Variants in ESRRB observed in about 807,000 individuals in gnomAD.
ESRRB encodes steroid hormone receptor ERR2.
ESRRB carries 16 observed loss-of-function variants against 46.0 expected under a neutral mutation model. That is an observed-to-expected ratio of 0.35 (90% CI 0.24 to 0.53). The LOEUF (loss-of-function observed/expected upper bound fraction) is 0.53, where lower values mean the gene tolerates loss of function less well. ESRRB is among the 20% of genes least tolerant of loss of function. The probability of loss-of-function intolerance (pLI) is 0.93; values close to 1 mark genes in which losing one functional copy is unlikely to be tolerated. For synonymous variants in ESRRB, 246 were observed against 259.6 expected, an observed-to-expected ratio of 0.95 and a Z score of 0.50; for missense variants, 488 against 607.4, an observed-to-expected ratio of 0.80 and a Z score of 2.07.
chr14:76,377,206 G>A (rs891314537), intron 1 of ESRRB, among the ~76,000 whole-genome samples: 58 of 152,364 alleles, frequency 3.8e-4, no homozygotes, highest in African/African-American at 1.3e-3. Context: ...GGCAGCCGGC[G>A]CCGCGAGAAG....
intron 1 of ESRRB, among the ~76,000 whole-genome samples, chr14:76,322,608 C>T (rs1883880852): frequency 6.6e-6 from 1 of 152,178 alleles, no homozygotes; most frequent in African/African-American, 2.4e-5. Context: ...AGACCTGAAC[C>T]TGGTAGTCCA....
intron 2 of ESRRB, among the ~76,000 whole-genome samples, chr14:76,450,752 C>A (rs1013144959): frequency 2.6e-5 from 4 of 152,092 alleles, no homozygotes; most frequent in African/African-American, 9.7e-5. Flanking sequence ...CCGGGAGGCA[C>A]AAGACAGGGG....
intron 1 of ESRRB, among the ~76,000 whole-genome samples, chr14:76,382,842 T>A (rs537538496): frequency 2.5e-4 from 38 of 151,484 alleles, no homozygotes; most frequent in African/African-American, 7.0e-4. Context: ...GTTTCTTTTT[T>A]AAAAAAAAAA....
chr14:76,443,650 T>C (rs974591931), intron 2 of ESRRB, among the ~76,000 whole-genome samples: 1 of 152,236 alleles, frequency 6.6e-6, no homozygotes, highest in African/African-American at 2.4e-5. Context: ...TCACATTTTC[T>C]TCTCACCATG....
At chr14:76,338,106 G>A (rs1481282891) in intron 1 of ESRRB, among the ~76,000 whole-genome samples, 2 of 152,150 alleles carry the variant, frequency 1.3e-5, no homozygotes, top group Non-Finnish European at 2.9e-5. Flanking sequence ...GCTTCAAGGC[G>A]ACTCCCAGGG....
At chr14:76,473,463 C>T (rs987585106) in intron 3 of ESRRB, among the ~76,000 whole-genome samples, 2 of 152,232 alleles carry the variant, frequency 1.3e-5, no homozygotes, top group Non-Finnish European at 2.9e-5. Context: ...CCTGCCCTGT[C>T]TGAACCTTTC....
At chr14:76,436,891 G>A (rs1214427733) in intron 1 of ESRRB, among the ~76,000 whole-genome samples, 1 of 152,172 alleles carries the variant, frequency 6.6e-6, no homozygotes, top group Admixed American at 6.5e-5. Flanking sequence ...TGCATTTTGG[G>A]AGTTGGTGAA....
chr14:76,397,832 C>G (rs1259218366), intron 1 of ESRRB, among the ~76,000 whole-genome samples: 1 of 152,222 alleles, frequency 6.6e-6, no homozygotes, highest in East Asian at 1.9e-4. Context: ...CTCAGAAATG[C>G]ACTACCTCCT....
chr14:76,376,517 G>T lies in ESRRB; in HGVS notation c.50+66G>T. ...TCTGGCAGTCTCTGTCCTGGGGATC[G>T]CAGTTCCTTTTCTGCACATTCTTGT... On this transcript the variant is annotated intron_variant, in intron 1 of 6. Coordinates refer to ENST00000644823, the MANE Select transcript of ESRRB (RefSeq NM_001379180.1). This position sits in a 1 kb window ranked among gnomAD's most constrained non-coding sequence, Gnocchi z 4.1. 1 of 1,145,386 alleles carries T rather than the reference G, an allele frequency of 8.7e-7. No individual in the cohort carries two copies. The highest frequency in any genetic ancestry group is 1.1e-6 in the Non-Finnish European group (1 of 909,116). The allele number at this position is 1,145,386 out of a possible 1,614,324, so 71.0% of individuals were successfully genotyped here.
rs1889865448 is a variant in ESRRB at position 76,482,906 on chromosome 14, C to T, written c.850+147C>T. 2.2e-6 allele frequency: 2 copies of T among 910,662 alleles called. No individual in the cohort carries two copies. Among genetic ancestry groups the T allele is most frequent in the Admixed American group, 2.0e-5 (1 of 51,018 alleles). The allele number at this position is 910,662 out of a possible 1,614,324, so 56.4% of individuals were successfully genotyped here. On this transcript the variant is annotated intron_variant, in intron 5 of 6. Coordinates refer to ENST00000644823, the MANE Select transcript of ESRRB (RefSeq NM_001379180.1). This position sits in a 1 kb window ranked among gnomAD's most constrained non-coding sequence, Gnocchi z 4.3. Reference sequence around the variant, plus strand: ...GGCAGGCCTGTTTCTCTGAGCTCCTCTTCTCTCCTTGTAGCATTGGAGAGG... The same window carrying T: ...GGCAGGCCTGTTTCTCTGAGCTCCTTTTCTCTCCTTGTAGCATTGGAGAGG...
chr14:76,497,948 A>AAC lies in ESRRB; in HGVS notation c.1121-265_1121-264insCA, dbSNP rs147576418. Among the ~76,000 whole-genome samples, 31,584 of 151,990 alleles carry AAC rather than the reference A, an allele frequency of 0.21. 3,310 individuals are homozygous for AAC. The highest frequency in any genetic ancestry group is 0.39 in the South Asian group (1,876 of 4,818). Reference sequence around the variant, plus strand: ...CTGCAAGTAAGGGACACAGGATTCCAAGTCTGGCTCCAGGGTCTCTGCTGC... The same window carrying AAC: ...CTGCAAGTAAGGGACACAGGATTCCAACAGTCTGGCTCCAGGGTCTCTGCTGC... On this transcript the variant is annotated intron_variant, in intron 6 of 6. Transcript: ENST00000644823.
chr14:76,454,831 T>C (rs1179068690), intron 2 of ESRRB, among the ~76,000 whole-genome samples: 1 of 152,194 alleles, frequency 6.6e-6, no homozygotes, highest in Non-Finnish European at 1.5e-5. Flanking sequence ...CTTTTCAAAA[T>C]AAGGTATACA....
At chr14:76,485,661 A>AGAGAGAGAGAGAGAGAGAGAGAGAGAG (rs1889987724) in intron 5 of ESRRB, among the ~76,000 whole-genome samples, 1 of 104,222 alleles carries the variant, frequency 9.6e-6, no homozygotes, top group Non-Finnish European at 2.0e-5. Flanking sequence ...GAGAGAGAGA[A>AGAGAGAGAGAGAGAGAGAGAGAGAGAG]AGAAAGAGAG....
At chr14:76,493,666 C>G (rs1181846536) in intron 6 of ESRRB, among the ~76,000 whole-genome samples, 2 of 152,198 alleles carry the variant, frequency 1.3e-5, no homozygotes, top group Non-Finnish European at 2.9e-5. Flanking sequence ...CAATACTGTC[C>G]TGCTTTTACT....
At chr14:76,432,606 C>CCCAGCT (rs1555396599) in intron 1 of ESRRB, among the ~76,000 whole-genome samples, 2 of 147,808 alleles carry the variant, frequency 1.4e-5, no homozygotes, top group Admixed American at 6.6e-5. Flanking sequence ...CTGCCACCTA[C>CCCAGCT]AAACTTCTCA....
At chr14:76,393,933 T>C (rs535951743) in intron 1 of ESRRB, among the ~76,000 whole-genome samples, 3 of 151,252 alleles carry the variant, frequency 2.0e-5, no homozygotes, top group African/African-American at 7.3e-5. Context: ...CCCAAGTAGC[T>C]GGGATTACAG....
Position 76,500,917 on chromosome 14 carries a change from T to C in ESRRB, c.*2459T>C, listed in dbSNP as rs1595181403. 2 of 639,104 alleles carry C rather than the reference T, an allele frequency of 3.1e-6. No individual in the cohort carries two copies. The highest frequency in any genetic ancestry group is 2.7e-5 in the East Asian group (1 of 36,390). The allele number at this position is 639,104 out of a possible 1,614,324, so 39.6% of individuals were successfully genotyped here. A position where few individuals can be genotyped will look rare whatever the true frequency, so the allele number is the denominator to read the frequency against. ...ACAACAGGAAATGTGTCAGTAACAATGGAACTCCATCCAATGGGAAAGTTC... is the reference window on the plus strand; with the variant it reads ...ACAACAGGAAATGTGTCAGTAACAACGGAACTCCATCCAATGGGAAAGTTC... On this transcript the variant is annotated 3_prime_UTR_variant, in exon 7 of 7. Transcript: ENST00000644823.
At chr14:76,327,241 G>T (rs929617141) in intron 1 of ESRRB, among the ~76,000 whole-genome samples, 3 of 152,220 alleles carry the variant, frequency 2.0e-5, no homozygotes, top group African/African-American at 7.2e-5. Context: ...GGGGACCCAC[G>T]TGGGGGTGGG....
At chr14:76,408,323 A>G (rs1886280522) in intron 1 of ESRRB, among the ~76,000 whole-genome samples, 1 of 152,164 alleles carries the variant, frequency 6.6e-6, no homozygotes, top group African/African-American at 2.4e-5. Flanking sequence ...TCACGCCTGT[A>G]ATCCCAACAT....
Sources: gnomAD v4.1 joint callset for allele counts (sites outside exome capture counted in the v4.1 genomes callset) on GRCh38, gnomAD v4.1.1 for gene constraint, Gnocchi (gnomAD v3.1) non-coding constraint, MANE v1.5 for transcripts, NCBI Gene and HGNC (gene_info 2026-07-23, HGNC 2026-07-21) for gene names.